Variants in RPRD2 observed in about 807,000 individuals in gnomAD.
RPRD2 encodes the protein regulation of nuclear pre-mRNA domain-containing protein 2.
RPRD2 carries 12 observed loss-of-function variants against 104.4 expected under a neutral mutation model. That is an observed-to-expected ratio of 0.11 (90% CI 0.07 to 0.19). The LOEUF (loss-of-function observed/expected upper bound fraction) is 0.19. Ranked by LOEUF, RPRD2 falls within the 10% of genes least tolerant of loss-of-function variation. The probability of loss-of-function intolerance (pLI) is 1.00; values close to 1 mark genes in which losing one functional copy is unlikely to be tolerated. For synonymous variants in RPRD2, 714 were observed against 684.9 expected, an observed-to-expected ratio of 1.04 and a Z score of -0.66; for missense variants, 1,543 against 1,790.1, an observed-to-expected ratio of 0.86 and a Z score of 2.49.
intron 2 of RPRD2, among the ~76,000 whole-genome samples, chr1:150,429,251 CCTGA>C (rs1299433341): frequency 6.6e-6 from 1 of 152,036 alleles, no homozygotes; most frequent in Admixed American, 6.6e-5. Context: ...CGCCACCACG[CCTGA>C]CTAATTTTGT....
intron 7 of RPRD2, among the ~76,000 whole-genome samples, 179 bp downstream of exon 7, chr1:150,446,580 G>A (rs782347179): frequency 6.6e-6 from 1 of 152,172 alleles, no homozygotes. Flanking sequence ...GGGAGGCTGA[G>A]GCAGGAGGAT....
intron 2 of RPRD2, among the ~76,000 whole-genome samples, chr1:150,429,111 TA>T (rs762182690): frequency 3.3e-5 from 5 of 151,136 alleles, no homozygotes; most frequent in Admixed American, 6.6e-5. Context: ...TTTTTTTTTT[TA>T]ATGGAGTTTT....
intron 10 of RPRD2, among the ~76,000 whole-genome samples, chr1:150,469,355 C>T (rs1426701003): frequency 6.6e-6 from 1 of 152,150 alleles, no homozygotes; most frequent in Non-Finnish European, 1.5e-5. Flanking sequence ...AGTTAGTTTA[C>T]TGTAACCTTG....
intron 2 of RPRD2, among the ~76,000 whole-genome samples, chr1:150,437,500 A>T (rs1341528044): frequency 2.0e-5 from 3 of 152,112 alleles, no homozygotes; most frequent in African/African-American, 7.2e-5. Context: ...TTTAACTAAC[A>T]TATGGATATT....
At chr1:150,370,646 C>T (rs1272714730) in intron 1 of RPRD2, among the ~76,000 whole-genome samples, 4 of 140,088 alleles carry the variant, frequency 2.9e-5, no homozygotes, top group Non-Finnish European at 6.0e-5. Context: ...ATGATCTTGA[C>T]TCACTGCAAC....
chr1:150,448,298 A>G (rs1386367256), intron 7 of RPRD2, among the ~76,000 whole-genome samples: 1 of 152,094 alleles, frequency 6.6e-6, no homozygotes, highest in Non-Finnish European at 1.5e-5. Context: ...CCTCCCGAGT[A>G]GCTGGGATTA....
At chr1:150,458,496 C>T (rs1546211) in intron 8 of RPRD2, among the ~76,000 whole-genome samples, 20,233 of 151,452 alleles carry the variant, frequency 0.13, 1,752 homozygotes, top group Non-Finnish European at 0.19. Flanking sequence ...GAAACTAGGC[C>T]GAGCATGGTG....
At chr1:150,437,722 G>C (rs116521529) in intron 2 of RPRD2, among the ~76,000 whole-genome samples, 3,781 of 151,922 alleles carry the variant, frequency 0.025, 157 homozygotes, top group African/African-American at 0.086. Flanking sequence ...TGGGACTACA[G>C]GTGTGCCCCA....
intron 9 of RPRD2, 61 bp from the exon 10 acceptor site, chr1:150,464,466 A>C: frequency 1.6e-6 from 2 of 1,280,676 alleles, no homozygotes; most frequent in Admixed American, 2.0e-5. Flanking sequence ...AGTGAGGGGA[A>C]GTATCGGAAA....
At chr1:150,405,740 G>A (rs1051496503) in intron 1 of RPRD2, among the ~76,000 whole-genome samples, 2 of 152,112 alleles carry the variant, frequency 1.3e-5, no homozygotes, top group Non-Finnish European at 2.9e-5. Flanking sequence ...CAGTTCATAA[G>A]TTTTAAATTG....
At chr1:150,389,700 G>A (rs1378142269) in intron 1 of RPRD2, among the ~76,000 whole-genome samples, 1 of 152,122 alleles carries the variant, frequency 6.6e-6, no homozygotes, top group Non-Finnish European at 1.5e-5. Flanking sequence ...TGAGGAGGCA[G>A]CATCTATGTA....
chr1:150,435,617 C>T (rs587700660), intron 2 of RPRD2, among the ~76,000 whole-genome samples: 10 of 152,288 alleles, frequency 6.6e-5, no homozygotes, highest in African/African-American at 1.9e-4. Context: ...CAGAGCAAGG[C>T]CCTAACTCTC....
intron 2 of RPRD2, among the ~76,000 whole-genome samples, chr1:150,424,936 T>C (rs1665014792): frequency 6.6e-6 from 1 of 152,190 alleles, no homozygotes; most frequent in South Asian, 2.1e-4. Context: ...TATAGCCTGC[T>C]AACTAGTTTC....
At chr1:150,377,746 G>C (rs1433833080) in intron 1 of RPRD2, among the ~76,000 whole-genome samples, 2 of 152,092 alleles carry the variant, frequency 1.3e-5, no homozygotes, top group Non-Finnish European at 2.9e-5. Context: ...ATTGTTTACT[G>C]AGGATCCTTA....
At chr1:150,379,737 A>G (rs952556611) in intron 1 of RPRD2, among the ~76,000 whole-genome samples, 1 of 152,044 alleles carries the variant, frequency 6.6e-6, no homozygotes, top group Admixed American at 6.6e-5. Flanking sequence ...GGATTTCACC[A>G]TGTGTGGCCA....
intron 6 of RPRD2, among the ~76,000 whole-genome samples, chr1:150,445,645 T>A (rs1666706969): frequency 6.6e-6 from 1 of 152,186 alleles, no homozygotes; most frequent in Admixed American, 6.5e-5. Context: ...AACAAACTCT[T>A]TTAGTTGAAC....
chr1:150,459,785 G>T (rs587686182), intron 8 of RPRD2, among the ~76,000 whole-genome samples: 1 of 152,100 alleles, frequency 6.6e-6, no homozygotes, highest in South Asian at 2.1e-4. Context: ...GTGGAGGCAG[G>T]ATTTCACCAT....
At chr1:150,415,699 CAAAA>C (rs1664282716) in intron 1 of RPRD2, among the ~76,000 whole-genome samples, 2 of 151,684 alleles carry the variant, frequency 1.3e-5, no homozygotes, top group East Asian at 1.9e-4. Flanking sequence ...ACAAAAAACA[CAAAA>C]AAAGAAGCAA....
chr1:150,441,925 A>G lies in RPRD2; in HGVS notation c.481A>G (p.Lys161Glu). 1 of 1,613,024 alleles carries G rather than the reference A, an allele frequency of 6.2e-7. No individual in the cohort carries two copies. The highest frequency in any genetic ancestry group is 8.5e-7 in the Non-Finnish European group (1 of 1,179,536). The change falls in exon 4 of 11, where the codon AAA (lysine) becomes GAA (glutamate). Residue 161 changes from lysine (K) to glutamate (E), a missense_variant. Lys to Glu is a moderately conservative substitution (Grantham distance 56, BLOSUM62 1). Transcript: ENST00000369068. ...GAAGCAGCTGAAAGAAAATCTGAAC[A>G]AACAACCGAATAAGCAGTGGAAGAA... is the stretch of plus-strand genomic sequence containing the variant. ...TQKQLKENLN[K>E]QPNKQWKKSQ...
Sources: allele counts gnomAD v4.1 joint callset (sites outside exome capture counted in the v4.1 genomes callset), GRCh38; gene constraint gnomAD v4.1.1; transcripts MANE v1.5; gene names NCBI Gene and HGNC (gene_info 2026-07-23, HGNC 2026-07-21).